Variants in AGMO observed in about 807,000 individuals in gnomAD.
AGMO encodes the protein glyceryl-ether monooxygenase.
AGMO carries 75 observed loss-of-function variants against 60.2 expected under a neutral mutation model. The observed-to-expected ratio is 1.25, with a 90% CI of 1.03 to 1.51. The LOEUF (loss-of-function observed/expected upper bound fraction) is 1.51, where lower values mean the gene tolerates loss of function less well. AGMO is among the 40% of genes most tolerant of loss of function. The pLI, the probability that AGMO is intolerant of heterozygous loss-of-function variation, is 0.00. For synonymous variants in AGMO, 261 were observed against 177.1 expected (o/e 1.47, Z -3.76); for missense variants, 763 against 525.5 (o/e 1.45, Z -4.42).
the AGMO span, among the ~76,000 whole-genome samples, chr7:15,164,353 C>A: frequency 2.0e-5 from 3 of 152,030 alleles, no homozygotes; most frequent in South Asian, 6.2e-4. Context: ...TGACTAAAAT[C>A]CCCAAATCAC....
intron 3 of AGMO, among the ~76,000 whole-genome samples, chr7:15,451,373 A>G (rs1251086792): frequency 6.6e-6 from 1 of 152,228 alleles, no homozygotes; most frequent in African/African-American, 2.4e-5. Flanking sequence ...AGTAGTTAAT[A>G]GAGAGTGCCT....
In AGMO at chr7:15,531,194, CTA is replaced by C. The variant is rs373832129; in HGVS notation, c.409+13576_409+13577del. Among the ~76,000 whole-genome samples, 31 of 58,086 alleles carry C rather than the reference CTA, an allele frequency of 5.3e-4. 1 individual carries two copies. The highest frequency in any genetic ancestry group is 9.9e-4 in the South Asian group (2 of 2,030). The allele number at this position is 58,086 out of a possible 152,430, so 38.1% of individuals were successfully genotyped here. Reference sequence around the variant, plus strand: ...ATATTCTATATATTCTATATATATTCTATATATATATTCTATATATTCTATAT... The same window carrying C: ...ATATTCTATATATTCTATATATATTCTATATATATTCTATATATTCTATAT... On this transcript the variant is annotated intron_variant, in intron 3 of 12. Transcript: ENST00000342526.
At chr7:15,129,008 G>C in the AGMO span, among the ~76,000 whole-genome samples, 9 of 152,072 alleles carry the variant, frequency 5.9e-5, no homozygotes, top group Admixed American at 5.9e-4. Context: ...GAGGCTGTTT[G>C]AATGCGGGTG....
At chr7:15,428,013 G>GCTTAATTTCACATTTCAATGTGAAATGAA in intron 4 of AGMO, among the ~76,000 whole-genome samples, 1 of 152,112 alleles carries the variant, frequency 6.6e-6, no homozygotes, top group Non-Finnish European at 1.5e-5. Context: ...TGTGAAATGA[G>GCTTAATTTCACATTTCAATGTGAAATGAA]CTTAATTTCA....
At chr7:15,304,886 G>C (rs1356748987) in intron 12 of AGMO, among the ~76,000 whole-genome samples, 1 of 151,920 alleles carries the variant, frequency 6.6e-6, no homozygotes, top group African/African-American at 2.4e-5. Flanking sequence ...TAAGAAGAAA[G>C]TCAACTATAA....
the AGMO span, among the ~76,000 whole-genome samples, chr7:15,191,547 T>G: frequency 1.3e-5 from 2 of 152,152 alleles, no homozygotes; most frequent in Non-Finnish European, 2.9e-5. Context: ...GAACATGAAC[T>G]TTTGTCAGAT....
At chr7:15,481,444 T>C (rs1782747056) in intron 3 of AGMO, among the ~76,000 whole-genome samples, 1 of 151,920 alleles carries the variant, frequency 6.6e-6, no homozygotes, top group South Asian at 2.1e-4. Context: ...CATAAAGCAT[T>C]GCTAATAATA....
intron 3 of AGMO, among the ~76,000 whole-genome samples, chr7:15,534,380 G>C (rs934889450): frequency 6.6e-6 from 1 of 151,922 alleles, no homozygotes; most frequent in South Asian, 2.1e-4. Flanking sequence ...AGGGAATACG[G>C]ATAAGTTTGA....
intron 4 of AGMO, among the ~76,000 whole-genome samples, chr7:15,424,831 A>G (rs1781016835): frequency 6.6e-6 from 1 of 152,238 alleles, no homozygotes; most frequent in African/African-American, 2.4e-5. Context: ...AAGAGTTATG[A>G]GAATTTATCC....
At chr7:15,411,264 A>C (rs559837424) in intron 5 of AGMO, among the ~76,000 whole-genome samples, 1 of 152,132 alleles carries the variant, frequency 6.6e-6, no homozygotes, top group South Asian at 2.1e-4. Context: ...AACTTCTATT[A>C]TTTATAAATT....
At chr7:15,166,771 T>C in the AGMO span, among the ~76,000 whole-genome samples, 1 of 152,264 alleles carries the variant, frequency 6.6e-6, no homozygotes, top group Admixed American at 6.5e-5. Context: ...ATGAATTCAG[T>C]GTGGGGAGTA....
intron 12 of AGMO, among the ~76,000 whole-genome samples, chr7:15,203,119 A>G (rs1781348306): frequency 6.6e-6 from 1 of 152,150 alleles, no homozygotes; most frequent in Admixed American, 6.5e-5. Context: ...GGGAAGGCTG[A>G]GTACAATTAC....
intron 3 of AGMO, among the ~76,000 whole-genome samples, chr7:15,511,782 C>G (rs2128530576): frequency 6.6e-6 from 1 of 152,100 alleles, no homozygotes; most frequent in South Asian, 2.1e-4. Context: ...TTCAGCAAAG[C>G]TGAAATTCTT....
chr7:15,355,965 T>C (rs1782514519), intron 12 of AGMO, among the ~76,000 whole-genome samples: 1 of 113,666 alleles, frequency 8.8e-6, no homozygotes, highest in Non-Finnish European at 1.7e-5. Flanking sequence ...CACAAATTCC[T>C]TCAAACATAA....
At chr7:15,135,049 G>C in the AGMO span, among the ~76,000 whole-genome samples, 1 of 151,142 alleles carries the variant, frequency 6.6e-6, no homozygotes, top group African/African-American at 2.4e-5. Flanking sequence ...TTGTAGATAA[G>C]TAAATTTTAA....
intron 12 of AGMO, among the ~76,000 whole-genome samples, chr7:15,207,750 T>C (rs555431505): frequency 1.1e-3 from 167 of 152,126 alleles, no homozygotes; most frequent in South Asian, 2.1e-3. Context: ...CTGGCTAACA[T>C]GGTGAAACCA....
intron 3 of AGMO, among the ~76,000 whole-genome samples, chr7:15,505,256 A>G (rs991537339): frequency 2.0e-5 from 3 of 152,018 alleles, no homozygotes; most frequent in Non-Finnish European, 4.4e-5. Flanking sequence ...AATTAAGGCT[A>G]TTTACTTTAT....
rs1450016981 is a variant in AGMO, at chr7:15,385,553, T to C, written c.967A>G (p.Lys323Glu). ...GAAGATGATGAGAAGGGAACTTCTT[T>C]GCCGGTGACCTAGGGAGACAAGAAC... ...LSEEIPEVTG[K>E]EVPFSSSSSQ... The change falls in exon 10 of 13, where the codon AAA (lysine) becomes GAA (glutamate). Residue 323 changes from lysine to glutamate, a missense_variant. Coordinates refer to ENST00000342526, the MANE Select transcript of AGMO (RefSeq NM_001004320.2). The C allele has an allele frequency of 1.2e-6, 2 of 1,600,776 alleles. No individual in the cohort carries two copies. The highest frequency in any genetic ancestry group is 1.7e-6 in the Non-Finnish European group (2 of 1,168,230).
chr7:15,270,458 T>TA (rs1783563959), intron 12 of AGMO, among the ~76,000 whole-genome samples: 1 of 152,016 alleles, frequency 6.6e-6, no homozygotes, highest in African/African-American at 2.4e-5. Context: ...TTGCCCAGTT[T>TA]GAAACGAGGT....
Sources: allele counts gnomAD v4.1 joint callset (sites outside exome capture counted in the v4.1 genomes callset), GRCh38; gene constraint gnomAD v4.1.1; transcripts MANE v1.5; gene names NCBI Gene and HGNC (gene_info 2026-07-23, HGNC 2026-07-21).